CCDC40: variants seen among roughly 807,000 people sequenced by gnomAD.
CCDC40 encodes the protein coiled-coil domain-containing protein 40.
In CCDC40, 104 loss-of-function variants were observed where a neutral mutation model predicts 124.5. The ratio of observed to expected loss-of-function variants is 0.84; its 90% CI spans 0.71 to 0.98. The LOEUF (loss-of-function observed/expected upper bound fraction) is 0.98. Among genes scored for constraint, CCDC40 ranks in the 50% least tolerant of loss-of-function variants. The pLI, the probability that CCDC40 is intolerant of heterozygous loss-of-function variation, is 0.00. For synonymous variants in CCDC40, 580 were observed against 602.9 expected, an observed-to-expected ratio of 0.96 and a Z score of 0.56; for missense variants, 1,463 against 1,503.9, an observed-to-expected ratio of 0.97 and a Z score of 0.45.
intron 3 of CCDC40, among the ~76,000 whole-genome samples, chr17:80,041,081 A>G (rs1460230334): frequency 6.6e-6 from 1 of 152,228 alleles, no homozygotes; most frequent in African/African-American, 2.4e-5. Context: ...ACAAAGTTAC[A>G]GAAAAAAATG....
At position 80,058,434 on chromosome 17, in the gene CCDC40, G is replaced by C; in HGVS notation, c.1160-60G>C. ...CTTCCTCCTGGGTCTCTGCATGGGG[G>C]ACGCTGGGACAGCCTCCCCACTCAC... On this transcript the variant is annotated intron_variant, in intron 7 of 19. Transcript: ENST00000397545. This position sits in a 1 kb window ranked among gnomAD's most constrained non-coding sequence, Gnocchi z 4.2. 1.3e-6 allele frequency: 2 copies of C among 1,531,070 alleles called. No homozygotes were observed. Among genetic ancestry groups the C allele is most frequent in the South Asian group, 2.2e-5 (2 of 89,202 alleles). 94.8% of individuals were successfully genotyped at this position (1,531,070 alleles called of 1,614,324 possible). A position where few individuals can be genotyped will look rare whatever the true frequency, so the allele number is the denominator to read the frequency against.
chr17:80,067,506 G>C, intron 10 of CCDC40: 1 of 1,226,366 alleles, frequency 8.2e-7, no homozygotes, highest in Non-Finnish European at 1.2e-6. Context: ...ATTTAACAGC[G>C]TGTCCCTAGA....
At position 80,081,934 on chromosome 17, in the gene CCDC40, T is replaced by G; in HGVS notation, c.1865T>G (p.Leu622Arg). 6.2e-7 allele frequency: 1 copy of G among 1,613,952 alleles called. No homozygotes were observed. The highest frequency in any genetic ancestry group is 8.5e-7 in the Non-Finnish European group (1 of 1,179,954). The part of the protein sequence containing the change: ...QAIRQAIQGE[L>R]ELRRKTDAAI... ...ATCCGCCAAGCCATCCAGGGCGAGCTGGAGCTCAGGAGGAAGACGGATGCT... is the reference window on the plus strand; with the variant it reads ...ATCCGCCAAGCCATCCAGGGCGAGCGGGAGCTCAGGAGGAAGACGGATGCT... Residue 622 changes from leucine to arginine, a missense_variant, in exon 12 of 20, where the codon CTG becomes CGG. Physicochemically the swap from Leu to Arg is moderately radical, Grantham distance 102. Coordinates refer to ENST00000397545, the MANE Select transcript of CCDC40 (RefSeq NM_017950.4).
intron 2 of CCDC40, among the ~76,000 whole-genome samples, chr17:80,038,517 G>A (rs908461465): frequency 6.7e-6 from 1 of 149,240 alleles, no homozygotes; most frequent in Non-Finnish European, 1.5e-5. Flanking sequence ...GGTGACCAGT[G>A]AAACTCTATC....
At chr17:80,090,839 G>A in intron 17 of CCDC40, 1 of 1,165,134 alleles carries the variant, frequency 8.6e-7, no homozygotes, top group Non-Finnish European at 1.1e-6. Flanking sequence ...TTCCTCTGCT[G>A]AGTTATTTTT....
intron 12 of CCDC40, among the ~76,000 whole-genome samples, chr17:80,083,390 C>A (rs1276898256): frequency 6.6e-6 from 1 of 152,114 alleles, no homozygotes; most frequent in African/African-American, 2.4e-5. Flanking sequence ...GGAAGCCGCC[C>A]GTGGTGGCCA....
Position 80,065,523 on chromosome 17 carries a change from G to A in CCDC40, c.1479G>A (p.Arg493=), listed in dbSNP as rs201739201. 2 of 1,613,156 alleles carry A rather than the reference G, an allele frequency of 1.2e-6. No homozygotes were observed. Among genetic ancestry groups the A allele is most frequent in the South Asian group, 1.1e-5 (1 of 91,078 alleles). The part of the protein sequence containing the change: ...TEIDAISVEK[R]RIMQQWASSL... ...TCGACGCCATCAGCGTGGAGAAGAG[G>A]CGCATCATGCAGCAATGGGCCAGCA... Residue 493 remains arginine (R), a synonymous_variant, in exon 10 of 20, where the codon AGG becomes AGA. Coordinates refer to ENST00000397545, the MANE Select transcript of CCDC40 (RefSeq NM_017950.4).
At chr17:80,057,944 C>T (rs1329174704) in intron 7 of CCDC40, among the ~76,000 whole-genome samples, 6 of 152,122 alleles carry the variant, frequency 3.9e-5, no homozygotes, top group Non-Finnish European at 7.4e-5. Flanking sequence ...GCCTTGGCCT[C>T]CTCTGAGAGC....
At chr17:80,065,940 C>T (rs1598511573) in intron 10 of CCDC40, 1 of 612,330 alleles carries the variant, frequency 1.6e-6, no homozygotes, top group Non-Finnish European at 2.9e-6. Context: ...CACCTGAGTG[C>T]GGAAACCCCA....
chr17:80,072,427 G>A (rs942430833), intron 10 of CCDC40, among the ~76,000 whole-genome samples: 5 of 152,272 alleles, frequency 3.3e-5, no homozygotes, highest in Admixed American at 2.0e-4. Context: ...CCGAGTGTTA[G>A]GAGTTCTGTT....
chr17:80,073,784 C>T (rs2038248680), intron 10 of CCDC40, among the ~76,000 whole-genome samples: 1 of 152,158 alleles, frequency 6.6e-6, no homozygotes, highest in African/African-American at 2.4e-5. Context: ...CAACCTCTAC[C>T]TCCCGGGTTC....
At chr17:80,078,160 T>C (rs2038355253) in intron 10 of CCDC40, among the ~76,000 whole-genome samples, 1 of 151,682 alleles carries the variant, frequency 6.6e-6, no homozygotes, top group African/African-American at 2.4e-5. Context: ...TGAAACCCCA[T>C]CTCTACTAAA....
intron 9 of CCDC40, among the ~76,000 whole-genome samples, chr17:80,060,188 G>T (rs1043478181): frequency 6.6e-6 from 1 of 152,124 alleles, no homozygotes; most frequent in Non-Finnish European, 1.5e-5. Flanking sequence ...AGCCCAGGGG[G>T]TCCTGGACAC....
In CCDC40 at chr17:80,040,087, G is replaced by A; in HGVS notation, c.369G>A (p.Leu123=). The change falls in exon 3 of 20, where the codon CTG becomes CTA. Residue 123 remains leucine, a synonymous_variant. Coordinates refer to ENST00000397545, the MANE Select transcript of CCDC40 (RefSeq NM_017950.4). The stretch of plus-strand genomic sequence containing the variant: ...CGTATTTCAGTCCTCCTCAGGAACT[G>A]CCTGGAGAGGAGGCATACGATAGTG... ...TYPYFSPPQE[L]PGEEAYDSVS... 6.2e-7 allele frequency: 1 copy of A among 1,614,140 alleles called. No individual in the cohort carries two copies. Among genetic ancestry groups the A allele is most frequent in the Non-Finnish European group, 8.5e-7 (1 of 1,179,964 alleles).
intron 10 of CCDC40, among the ~76,000 whole-genome samples, chr17:80,074,147 T>C (rs1184906753): frequency 6.6e-6 from 1 of 152,198 alleles, no homozygotes; most frequent in African/African-American, 2.4e-5. Flanking sequence ...GCTGCTCTAA[T>C]GAACACACAA....
At chr17:80,041,143 C>T (rs1011194531) in intron 3 of CCDC40, among the ~76,000 whole-genome samples, 4 of 152,114 alleles carry the variant, frequency 2.6e-5, no homozygotes, top group Non-Finnish European at 4.4e-5. Context: ...GAGTGGGTTG[C>T]GGATCTGGTC....
chr17:80,092,766 G>A (rs192267073), intron 17 of CCDC40, among the ~76,000 whole-genome samples: 13 of 152,264 alleles, frequency 8.5e-5, no homozygotes. Context: ...ACACACCACG[G>A]CACCCACCCC....
Position 80,089,827 on chromosome 17 carries a change from T to C in CCDC40, c.2775T>C (p.Asp925=). 1 of 1,614,230 alleles carries C rather than the reference T, an allele frequency of 6.2e-7. No homozygotes were observed. Among genetic ancestry groups the C allele is most frequent in the Non-Finnish European group, 8.5e-7 (1 of 1,180,028 alleles). ...QLAKEMRSSV[D]SEIGQTEIRA... ...CAAAAGAGATGCGTTCCTCAGTGGATTCCGAGATCGGCCAGACGGAGATCC... is the reference window on the plus strand; with the variant it reads ...CAAAAGAGATGCGTTCCTCAGTGGACTCCGAGATCGGCCAGACGGAGATCC... The change falls in exon 17 of 20, where the codon GAT becomes GAC. Residue 925 remains aspartate (D), a synonymous_variant. Transcript: ENST00000397545.
At chr17:80,055,242 CAA>C (rs1025206592) in intron 7 of CCDC40, among the ~76,000 whole-genome samples, 15 of 151,864 alleles carry the variant, frequency 9.9e-5, no homozygotes, top group Admixed American at 2.6e-4. Context: ...GCAAAGAAAA[CAA>C]GAGAAAGAAA....
Sources: gnomAD v4.1 joint callset for allele counts (sites outside exome capture counted in the v4.1 genomes callset) on GRCh38, gnomAD v4.1.1 for gene constraint, Gnocchi (gnomAD v3.1) non-coding constraint, MANE v1.5 for transcripts, NCBI Gene and HGNC (gene_info 2026-07-23, HGNC 2026-07-21) for gene names.